HECW2: variants seen among roughly 807,000 people sequenced by gnomAD.
The protein encoded by HECW2 is E3 ubiquitin-protein ligase HECW2.
A neutral mutation model predicts 175.2 loss-of-function variants in HECW2; 61 were observed. The ratio of observed to expected loss-of-function variants is 0.35; its 90% confidence interval spans 0.28 to 0.43. HECW2 has a LOEUF of 0.43. Ranked by LOEUF, HECW2 falls within the 20% of genes least tolerant of loss-of-function variation. HECW2 has a pLI of 1.00. For synonymous variants in HECW2, 671 were observed against 731.0 expected, an observed-to-expected ratio of 0.92 and a Z score of 1.32; for missense variants, 1,524 against 2,000.5, an observed-to-expected ratio of 0.76 and a Z score of 4.54.
intron 2 of HECW2, among the ~76,000 whole-genome samples, chr2:196,347,962 T>A (rs1386612108): frequency 1.3e-5 from 2 of 152,160 alleles, no homozygotes; most frequent in East Asian, 3.9e-4. Flanking sequence ...GGACACAGAG[T>A]TCACATTACT....
At chr2:196,461,966 T>C (rs1254129451) in intron 1 of HECW2, among the ~76,000 whole-genome samples, 1 of 152,166 alleles carries the variant, frequency 6.6e-6, no homozygotes, top group African/African-American at 2.4e-5. Flanking sequence ...TTATTTGTAA[T>C]AACTCATAAC....
At chr2:196,211,710 G>T (rs115057274) in intron 28 of HECW2, among the ~76,000 whole-genome samples, 1,981 of 152,260 alleles carry the variant, frequency 0.013, 52 homozygotes, top group African/African-American at 0.046. Flanking sequence ...CATCATCCTT[G>T]TCTAGAAAGA....
intron 26 of HECW2, among the ~76,000 whole-genome samples, chr2:196,218,510 C>T (rs1052431503): frequency 2.8e-4 from 42 of 152,088 alleles, no homozygotes; most frequent in African/African-American, 9.9e-4. Flanking sequence ...TCTATTAATG[C>T]ATTGCTATTA....
chr2:196,295,213 T>C (rs1323650457), intron 13 of HECW2, among the ~76,000 whole-genome samples: 1 of 152,148 alleles, frequency 6.6e-6, no homozygotes, highest in Non-Finnish European at 1.5e-5. Flanking sequence ...GCATGGGCTC[T>C]GGGCAATTAG....
chr2:196,371,086 G>A (rs1168434392), intron 2 of HECW2, among the ~76,000 whole-genome samples: 1 of 152,076 alleles, frequency 6.6e-6, no homozygotes, highest in African/African-American at 2.4e-5. Context: ...AATCAGTGGA[G>A]GCTTCTATTC....
chr2:196,565,830 G>C (rs1690169005), intron 1 of HECW2, among the ~76,000 whole-genome samples: 1 of 152,068 alleles, frequency 6.6e-6, no homozygotes, highest in East Asian at 1.9e-4. Context: ...AGCTATCAAT[G>C]ACAAATAATG....
chr2:196,311,866 A>G (rs1169505917), intron 10 of HECW2, among the ~76,000 whole-genome samples: 1 of 152,176 alleles, frequency 6.6e-6, no homozygotes, highest in Non-Finnish European at 1.5e-5. Flanking sequence ...GTAGACTCTT[A>G]GACACCCTAA....
chr2:196,224,535 A>C (rs1181578932), intron 23 of HECW2, among the ~76,000 whole-genome samples: 2 of 152,192 alleles, frequency 1.3e-5, no homozygotes, highest in Non-Finnish European at 2.9e-5. Context: ...AAGTTAAAAA[A>C]AAGAACCCGC....
At chr2:196,403,554 A>G (rs1286588775) in intron 2 of HECW2, among the ~76,000 whole-genome samples, 1 of 152,276 alleles carries the variant, frequency 6.6e-6, no homozygotes, top group Non-Finnish European at 1.5e-5. Flanking sequence ...ACTTGATTAC[A>G]AAGTACTCAG....
chr2:196,320,391 G>A lies in HECW2; in HGVS notation c.933C>T (p.His311=), dbSNP rs61743483. 5,856 of 1,612,964 alleles carry A rather than the reference G, an allele frequency of 3.6e-3. 184 individuals carry two copies. In the African/African-American group the frequency reaches 0.069, roughly 19 times the overall value. ...YNLGRRLPAD[H]VSGYLQFKVE... ...CTTTAAACTGGAGGTACCCACTCAC[G>A]TGGTCAGCTGGGAGCCTTCTGCCAA... The change falls in exon 8 of 29, where the codon CAC becomes CAT. Residue 311 remains histidine, a synonymous_variant. Coordinates refer to ENST00000644978, the MANE Select transcript of HECW2 (RefSeq NM_001348768.2).
intron 1 of HECW2, among the ~76,000 whole-genome samples, chr2:196,555,126 G>A (rs1689750079): frequency 6.6e-6 from 1 of 152,038 alleles, no homozygotes; most frequent in Non-Finnish European, 1.5e-5. Context: ...ACTAAATAAG[G>A]AAGAAAAAAC....
intron 28 of HECW2, among the ~76,000 whole-genome samples, chr2:196,207,119 C>T (rs758540113): frequency 6.6e-6 from 1 of 152,178 alleles, no homozygotes; most frequent in Non-Finnish European, 1.5e-5. Flanking sequence ...GATGGGGAGG[C>T]AGGGACACAT....
chr2:196,331,015 G>T, intron 4 of HECW2: 1 of 267,900 alleles, frequency 3.7e-6, no homozygotes, highest in African/African-American at 2.3e-5. Flanking sequence ...GGAGATAAAA[G>T]CCATCACTAA....
intron 14 of HECW2, chr2:196,290,521 C>G (rs1286288457): frequency 1.3e-5 from 2 of 152,198 alleles, no homozygotes; most frequent in Non-Finnish European, 2.9e-5. Context: ...TATCCATTAT[C>G]TTAACTTGGG....
Position 196,321,689 on chromosome 2 carries a change from C to T in HECW2, c.884+789G>A, listed in dbSNP as rs373815323. ...TGCTGGGATTACAGGAATGAGCTGC[C>T]GTGCCCGGCCAACTTATTCTTAATT... On this transcript the variant is annotated intron_variant, in intron 7 of 28. Coordinates refer to ENST00000644978, the MANE Select transcript of HECW2 (RefSeq NM_001348768.2). 1.3e-4 allele frequency among the ~76,000 whole-genome samples: 20 copies of T among 152,246 alleles called. No individual in the cohort carries two copies. In the East Asian group the frequency reaches 2.3e-3, roughly 18 times the overall value.
intron 19 of HECW2, among the ~76,000 whole-genome samples, chr2:196,243,223 A>G (rs547350020): frequency 1.5e-3 from 214 of 144,544 alleles, no homozygotes; most frequent in African/African-American, 4.9e-3. Flanking sequence ...GCTGGAGTGC[A>G]ATGGCACAAT....
intron 3 of HECW2, among the ~76,000 whole-genome samples, chr2:196,336,791 T>C (rs1692564762): frequency 6.6e-6 from 1 of 152,120 alleles, no homozygotes; most frequent in African/African-American, 2.4e-5. Flanking sequence ...CTAAGATCAA[T>C]GTATCTCGAA....
At chr2:196,467,589 G>A (rs1008014124) in intron 1 of HECW2, among the ~76,000 whole-genome samples, 5 of 152,202 alleles carry the variant, frequency 3.3e-5, no homozygotes, top group Non-Finnish European at 7.3e-5. Flanking sequence ...GCAGGAAATG[G>A]CTGCTATGTA....
intron 2 of HECW2, among the ~76,000 whole-genome samples, chr2:196,411,181 G>T (rs372960292): frequency 2.0e-5 from 3 of 151,936 alleles, no homozygotes; most frequent in Non-Finnish European, 2.9e-5. Context: ...TTTATTTTTA[G>T]TTTTGTACAG....
Sources: gnomAD v4.1 joint callset for allele counts (sites outside exome capture counted in the v4.1 genomes callset) on GRCh38, gnomAD v4.1.1 for gene constraint, MANE v1.5 for transcripts, NCBI Gene and HGNC (gene_info 2026-07-23, HGNC 2026-07-21) for gene names.